Variants in LCT observed in about 807,000 individuals in gnomAD.
The protein encoded by LCT is lactase/phlorizin hydrolase.
In LCT, 90 loss-of-function variants were observed where a neutral mutation model predicts 173.0. The observed-to-expected ratio is 0.52, with a 90% CI of 0.44 to 0.62. The LOEUF is 0.62. Among genes scored for constraint, LCT ranks in the 20% least tolerant of loss-of-function variants. The pLI is 0.00. For missense variants in LCT, 1,864 were observed against 2,431.4 expected, an observed-to-expected ratio of 0.77 and a Z score of 4.91; for synonymous variants, 853 against 957.6, an observed-to-expected ratio of 0.89 and a Z score of 2.02.
Position 135,812,761 on chromosome 2 carries a change from C to T in LCT, c.1903G>A (p.Val635Ile), listed in dbSNP as rs757759379. The T allele has an allele frequency of 3.2e-5, 52 of 1,614,060 alleles. No homozygotes were observed. In the South Asian group the frequency reaches 3.6e-4, roughly 11 times the overall value. ...HFMLGWFAHP[V>I]FVDGDYPATL... The stretch of plus-strand genomic sequence containing the variant: ...GCTGGGTAGTCTCCATCCACAAAGA[C>T]GGGGTGTGCAAACCAGCCCAGCATG... Residue 635 changes from valine to isoleucine, a missense_variant, in exon 7 of 17, where the codon GTC becomes ATC. By Grantham distance (29) the Val-to-Ile change is conservative (BLOSUM62 3). Around this residue, in one of 4 missense-constraint regions of LCT, gnomAD observed 755 missense variants for 926.3 expected, o/e 0.82. Transcript: ENST00000264162.
chr2:135,790,720 G>A lies in LCT; in HGVS notation c.5273C>T (p.Thr1758Ile), dbSNP rs1172509553. ...GATCCTTGCAGTGTCATTGAGGTCT[G>A]TTTCTTCCCGCTGGGACACTCCATT... is the stretch of plus-strand genomic sequence containing the variant. The part of the protein sequence containing the change: ...TENGVSQREE[T>I]DLNDTARIYY... The change falls in exon 15 of 17, where the codon ACA (threonine) becomes ATA (isoleucine). Residue 1758 changes from threonine to isoleucine, a missense_variant. Thr to Ile is a moderately conservative substitution (Grantham distance 89). Transcript: ENST00000264162. The surrounding 1 kb of genome is among the most constrained non-coding windows in gnomAD (Gnocchi z 4.1). 2 of 1,613,708 alleles carry A rather than the reference G, an allele frequency of 1.2e-6. No individual in the cohort carries two copies. The highest frequency in any genetic ancestry group is 1.3e-5 in the African/African-American group (1 of 75,016).
intron 14 of LCT, 81 bp downstream of exon 14, chr2:135,794,560 G>T: frequency 6.8e-7 from 1 of 1,470,766 alleles, no homozygotes; most frequent in Non-Finnish European, 9.5e-7. Flanking sequence ...TTTGAGGCTG[G>T]GCAGGCCTCA....
chr2:135,835,976 G>GTGTA (rs1553436126), intron 1 of LCT, among the ~76,000 whole-genome samples: 946 of 79,672 alleles, frequency 0.012, 11 homozygotes, highest in South Asian at 0.026. Flanking sequence ...ATACATGTGT[G>GTGTA]TATATATATA....
In LCT at chr2:135,835,970, A is replaced by AAGTGTG. The variant is rs145381504; in HGVS notation, c.640+559_640+560insCACACT. ...TGGGCAAGGGGTATTTCAAAAATAC[A>AAGTGTG]TGTGTGTATATATATATATATATAT... On this transcript the variant is annotated intron_variant, in intron 1 of 16. Transcript: ENST00000264162. 5.9e-3 allele frequency among the ~76,000 whole-genome samples: 729 copies of AAGTGTG among 123,204 alleles called. 24 individuals are homozygous for AAGTGTG. Among genetic ancestry groups the AAGTGTG allele is most frequent in the Admixed American group, 0.034 (369 of 10,936 alleles). The allele number at this position is 123,204 out of a possible 152,430, so 80.8% of individuals were successfully genotyped here.
intron 14 of LCT, among the ~76,000 whole-genome samples, chr2:135,792,478 G>C (rs1466383749): frequency 6.6e-6 from 1 of 152,224 alleles, no homozygotes; most frequent in African/African-American, 2.4e-5. Flanking sequence ...GGCAAGGCCT[G>C]AAAGCCCTGT....
chr2:135,799,391 G>A (rs921895917), intron 12 of LCT, among the ~76,000 whole-genome samples: 4 of 152,096 alleles, frequency 2.6e-5, no homozygotes, highest in African/African-American at 7.2e-5. Flanking sequence ...GAGCTGTGCC[G>A]TGAACGAGGA....
Position 135,812,913 on chromosome 2 carries a change from T to A in LCT, c.1751A>T (p.His584Leu). The A allele has an allele frequency of 6.2e-7, 1 of 1,614,214 alleles. No homozygotes were observed. The highest frequency in any genetic ancestry group is 1.1e-5 in the South Asian group (1 of 91,082). Residue 584 changes from histidine to leucine, a missense_variant, in exon 7 of 17, where the codon CAC becomes CTC. By Grantham distance (99) the His-to-Leu change is moderately conservative. This residue lies in a region of LCT where 183 missense variants were observed against 293.1 expected (regional missense o/e 0.62). Transcript: ENST00000264162. ...CTGTGGGCGATGATGGCTGTTGTAG[T>A]GGTGCCAAGTTCTGGCATGAGCCTT... ...VLKAHARTWH[H>L]YNSHHRPQQQ... is the part of the protein sequence containing the mutation.
Position 135,809,022 on chromosome 2 carries a change from C to T in LCT, c.3325G>A (p.Asp1109Asn), listed in dbSNP as rs1478662139. Residue 1109 changes from aspartate (D) to asparagine (N), a missense_variant, in exon 8 of 17, where the codon GAT (aspartate) becomes AAT (asparagine). Asp to Asn is a conservative substitution (Grantham distance 23). Coordinates refer to ENST00000264162, the MANE Select transcript of LCT (RefSeq NM_002299.4). The surrounding 1 kb of genome is among the most constrained non-coding windows in gnomAD (Gnocchi z 5.5). ...KAHARVYHTY[D>N]EKYRQEQKGV... ...TTCTGCTCCTGCCTGTATTTCTCAT[C>T]GTACGTGTGATAGACTCTGGCATGG... The T allele has an allele frequency of 3.1e-6, 5 of 1,611,486 alleles. No homozygotes were observed. The African/African-American group carries it at 4.0e-5, about 13-fold the overall frequency.
chr2:135,833,226 G>T, intron 1 of LCT, 36 bp from the exon 2 acceptor site: 1 of 1,474,136 alleles, frequency 6.8e-7, no homozygotes, highest in Non-Finnish European at 9.5e-7. Flanking sequence ...GCAGGTGAGC[G>T]AGGGCAGGAG....
intron 6 of LCT, among the ~76,000 whole-genome samples, chr2:135,814,715 C>G (rs61240933): frequency 0.19 from 28,789 of 151,850 alleles, 3,049 homozygotes; most frequent in Middle Eastern, 0.4. Flanking sequence ...CAGGGTTTCA[C>G]TATGTTGGCC....
chr2:135,812,236 C>G (rs1005955693), intron 7 of LCT, 75 bp downstream of exon 7: 22 of 1,273,514 alleles, frequency 1.7e-5, no homozygotes, highest in Non-Finnish European at 9.1e-6. Context: ...CTTTCTTTGT[C>G]TTATTAAACG....
At chr2:135,811,701 TAAAA>T (rs59187404) in intron 7 of LCT, among the ~76,000 whole-genome samples, 16 of 109,290 alleles carry the variant, frequency 1.5e-4, no homozygotes, top group African/African-American at 4.2e-4. Context: ...ACCCTGATTC[TAAAA>T]AAAAAAAAAA....
chr2:135,836,345 A>G (rs967339121), intron 1 of LCT, among the ~76,000 whole-genome samples, 185 bp downstream of exon 1: 1 of 152,100 alleles, frequency 6.6e-6, no homozygotes, highest in Non-Finnish European at 1.5e-5. Context: ...GTGTTTTGCC[A>G]TGTTAGCTAC....
Position 135,808,765 on chromosome 2 carries a change from C to T in LCT, c.3582G>A (p.Lys1194=), listed in dbSNP as rs2077700728. 1 of 1,613,972 alleles carries T rather than the reference C, an allele frequency of 6.2e-7. No homozygotes were observed. Among genetic ancestry groups the T allele is most frequent in the African/African-American group, 1.3e-5 (1 of 74,930 alleles). Residue 1194 remains lysine, a synonymous_variant, in exon 8 of 17, where the codon AAG becomes AAA. Transcript: ENST00000264162. ...SRLPSFTEEE[K]RFIRATADVF... is the part of the protein sequence containing the mutation. ...CGTCGGCCGTCGCCCTGATGAACCT[C>T]TTCTCTTCCTCAGTGAAGCTTGGCA...
chr2:135,817,305 C>T, intron 6 of LCT, 36 bp downstream of exon 6: 6 of 1,605,492 alleles, frequency 3.7e-6, no homozygotes, highest in Non-Finnish European at 4.3e-6. Flanking sequence ...TGTCCTTTCT[C>T]CTCCAATTAG....
chr2:135,803,869 A>G (rs2077647012), intron 11 of LCT, 61 bp downstream of exon 11: 4 of 1,488,364 alleles, frequency 2.7e-6, no homozygotes, highest in Non-Finnish European at 2.8e-6. Flanking sequence ...CTGGATTTCA[A>G]CTCTTGATGT....
chr2:135,794,074 G>C (rs1475633805), intron 14 of LCT, among the ~76,000 whole-genome samples: 1 of 151,954 alleles, frequency 6.6e-6, no homozygotes, highest in African/African-American at 2.4e-5. Flanking sequence ...GGGTGGTGGA[G>C]GTTGCAGTGA....
chr2:135,813,203 AAAC>A (rs1184170345), intron 6 of LCT, among the ~76,000 whole-genome samples: 2 of 152,250 alleles, frequency 1.3e-5, no homozygotes, highest in Admixed American at 6.5e-5. Context: ...TTAACAACAT[AAAC>A]AACAAGTTAA....
chr2:135,798,847 C>A (rs1575333554), intron 12 of LCT, among the ~76,000 whole-genome samples: 1 of 152,112 alleles, frequency 6.6e-6, no homozygotes, highest in African/African-American at 2.4e-5. Context: ...AGGCATGGAA[C>A]ACACATGCCC....
Sources: gnomAD v4.1 joint callset for allele counts (sites outside exome capture counted in the v4.1 genomes callset) on GRCh38, gnomAD v4.1.1 for gene constraint, gnomAD v4.1.1 regional missense constraint, Gnocchi (gnomAD v3.1) non-coding constraint, MANE v1.5 for transcripts, NCBI Gene and HGNC (gene_info 2026-07-23, HGNC 2026-07-21) for gene names.